The following SFXN1 variants were observed in gnomAD, a reference collection of about 807,000 sequenced individuals.
The protein encoded by SFXN1 is sideroflexin 1.
SFXN1 carries 32 observed loss-of-function variants against 39.5 expected under a neutral mutation model. The observed-to-expected ratio is 0.81, with a 90% confidence interval of 0.61 to 1.09. SFXN1 has a LOEUF of 1.09. Ranked by LOEUF, SFXN1 falls within the 50% of genes least tolerant of loss-of-function variation. The pLI is 0.00. For missense variants in SFXN1, 402 were observed against 407.1 expected, an observed-to-expected ratio of 0.99 and a Z score of 0.11; for synonymous variants, 136 against 146.5, an observed-to-expected ratio of 0.93 and a Z score of 0.52.
At chr5:175,524,125 AATATATATATATATATATATATATATAT>A (rs771042074) in intron 10 of SFXN1, 4 of 32,516 alleles carry the variant, frequency 1.2e-4, no homozygotes, top group Non-Finnish European at 2.0e-4. Context: ...AAAAAAAAAA[AATATATATATATATATATATATATATAT>A]ATATATATAT....
chr5:175,516,309 GA>G (rs1278413152), intron 7 of SFXN1, among the ~76,000 whole-genome samples: 1 of 152,074 alleles, frequency 6.6e-6, no homozygotes, highest in Non-Finnish European at 1.5e-5. Context: ...AATATAGGAA[GA>G]AAAAGTTCCT....
chr5:175,520,035 A>G (rs1285350452), intron 8 of SFXN1, among the ~76,000 whole-genome samples: 1 of 151,132 alleles, frequency 6.6e-6, no homozygotes, highest in Non-Finnish European at 1.5e-5. Flanking sequence ...ATGCCTAGCT[A>G]ATTTTTGTAT....
intron 2 of SFXN1, among the ~76,000 whole-genome samples, chr5:175,499,676 A>G (rs962414160): frequency 2.0e-5 from 3 of 152,250 alleles, no homozygotes; most frequent in African/African-American, 7.2e-5. Context: ...CCCTACGACT[A>G]ACATCAAACC....
At chr5:175,518,550 C>T (rs1314236058) in intron 8 of SFXN1, among the ~76,000 whole-genome samples, 1 of 152,092 alleles carries the variant, frequency 6.6e-6, no homozygotes, top group Non-Finnish European at 1.5e-5. Flanking sequence ...AAGTTTGGGG[C>T]ACAGAGGGAG....
intron 2 of SFXN1, among the ~76,000 whole-genome samples, chr5:175,501,096 T>A (rs1412382816): frequency 7.3e-6 from 1 of 137,404 alleles, no homozygotes; most frequent in Admixed American, 7.9e-5. Flanking sequence ...TGAGACAGAG[T>A]CTCGCTCTGT....
chr5:175,488,510 G>A (rs539135028), intron 1 of SFXN1, among the ~76,000 whole-genome samples: 32 of 152,116 alleles, frequency 2.1e-4, no homozygotes, highest in East Asian at 9.7e-4. Context: ...CCATGTTGAG[G>A]CTGGTCTCGA....
intron 7 of SFXN1, 65 bp from the exon 8 acceptor site, chr5:175,516,548 GA>G (rs3215174): frequency 0.2 from 276,457 of 1,414,566 alleles, 27,571 homozygotes; most frequent in Admixed American, 0.25. Context: ...TCAAATGGTT[GA>G]AAAAAAAAGT....
intron 2 of SFXN1, among the ~76,000 whole-genome samples, chr5:175,494,765 A>G (rs1759794050): frequency 1.3e-5 from 2 of 151,904 alleles, no homozygotes; most frequent in African/African-American, 4.8e-5. Context: ...AAAAAAAAAA[A>G]GAAAAAATAT....
At chr5:175,493,175 G>C (rs1759722728) in intron 2 of SFXN1, among the ~76,000 whole-genome samples, 2 of 151,966 alleles carry the variant, frequency 1.3e-5, no homozygotes, top group African/African-American at 2.4e-5. Flanking sequence ...ATGGCATGAA[G>C]CCAGGAGGCA....
chr5:175,499,450 G>A (rs760768598), intron 2 of SFXN1, among the ~76,000 whole-genome samples: 5 of 152,206 alleles, frequency 3.3e-5, no homozygotes, highest in South Asian at 2.1e-4. Flanking sequence ...AAATCTACCC[G>A]GAAAGGGCAA....
chr5:175,526,517 C>G, intron 10 of SFXN1, 121 bp from the exon 11 acceptor site: 1 of 692,420 alleles, frequency 1.4e-6, no homozygotes, highest in Non-Finnish European at 2.5e-6. Context: ...AAGCATTTCT[C>G]CAACAAGACC....
At chr5:175,513,989 G>C (rs960329003) in intron 7 of SFXN1, among the ~76,000 whole-genome samples, 1 of 152,072 alleles carries the variant, frequency 6.6e-6, no homozygotes, top group Non-Finnish European at 1.5e-5. Context: ...GGCCACAGAC[G>C]GCAGAGCGTG....
chr5:175,513,394 A>G (rs548859151), intron 6 of SFXN1, 69 bp from the exon 7 acceptor site: 1 of 1,564,868 alleles, frequency 6.4e-7, no homozygotes, highest in African/African-American at 1.4e-5. Context: ...ATCTTTCCCA[A>G]CATAGTACTA....
chr5:175,520,774 A>G (rs1204440858), intron 8 of SFXN1, among the ~76,000 whole-genome samples: 2 of 152,202 alleles, frequency 1.3e-5, no homozygotes, highest in Non-Finnish European at 2.9e-5. Flanking sequence ...TCACCTGGCT[A>G]GGAAGCGCTG....
intron 2 of SFXN1, among the ~76,000 whole-genome samples, chr5:175,494,370 C>G (rs191363996): frequency 2.0e-5 from 3 of 152,280 alleles, no homozygotes; most frequent in Admixed American, 2.0e-4. Flanking sequence ...AGATAGTAAG[C>G]GATGTGTGCC....
chr5:175,520,712 C>T (rs186968710), intron 8 of SFXN1, among the ~76,000 whole-genome samples: 181 of 152,252 alleles, frequency 1.2e-3, no homozygotes, highest in African/African-American at 4.3e-3. Context: ...CACAGGCTCT[C>T]GCTAAGTACT....
At chr5:175,498,976 C>T (rs1759969805) in intron 2 of SFXN1, among the ~76,000 whole-genome samples, 1 of 152,166 alleles carries the variant, frequency 6.6e-6, no homozygotes, top group East Asian at 1.9e-4. Context: ...TCAAACCAGC[C>T]AGGCGCAATG....
At chr5:175,482,041 G>A (rs1003578220) in intron 1 of SFXN1, among the ~76,000 whole-genome samples, 1 of 152,164 alleles carries the variant, frequency 6.6e-6, no homozygotes, top group Non-Finnish European at 1.5e-5. Context: ...GTCATCTTGG[G>A]CATGGTACTA....
rs756899909 is a variant in SFXN1 at position 175,526,711 on chromosome 5, G to A, written c.946G>A (p.Val316Met). The A allele has an allele frequency of 2.5e-5, 40 of 1,614,024 alleles. No individual in the cohort carries two copies. In the East Asian group the frequency reaches 5.6e-4, roughly 22 times the overall value. Reference sequence around the variant, plus strand: ...AGAGAGCCATCCTGAATTGCGACGCGTGTACTTCAATAAGGGATTGTAAAG... The same window carrying A: ...AGAGAGCCATCCTGAATTGCGACGCATGTACTTCAATAAGGGATTGTAAAG... ...IQESHPELRR[V>M]YFNKGL Residue 316 changes from valine to methionine, a missense_variant, in exon 11 of 11, where the codon GTG (valine) becomes ATG (methionine). Physicochemically the swap from Val to Met is conservative, Grantham distance 21. Transcript: ENST00000321442.
Sources: allele counts gnomAD v4.1 joint callset (sites outside exome capture counted in the v4.1 genomes callset), GRCh38; gene constraint gnomAD v4.1.1; transcripts MANE v1.5; gene names NCBI Gene and HGNC (gene_info 2026-07-23, HGNC 2026-07-21).